The following TMED3 variants were observed in gnomAD, a reference collection of about 807,000 sequenced individuals.
The protein encoded by TMED3 is transmembrane emp24 domain-containing protein 3.
In TMED3, 9 loss-of-function variants were observed where a neutral mutation model predicts 15.0. The ratio of observed to expected loss-of-function variants is 0.60; its 90% CI spans 0.36 to 1.04. The LOEUF is 1.04. Ranked by LOEUF, TMED3 falls within the 50% of genes least tolerant of loss-of-function variation. TMED3 has a pLI of 0.01. For synonymous variants in TMED3, 117 were observed against 121.4 expected (o/e 0.96, Z 0.24); for missense variants, 267 against 278.9 (o/e 0.96, Z 0.30).
intron 2 of TMED3, among the ~76,000 whole-genome samples, chr15:79,380,086 T>C (rs912026801): frequency 6.6e-6 from 1 of 152,192 alleles, no homozygotes; most frequent in Non-Finnish European, 1.5e-5. Flanking sequence ...CCTTGGTATA[T>C]ATATGTCTAA....
At chr15:79,340,312 C>G (rs1316723936) in intron 2 of TMED3, among the ~76,000 whole-genome samples, 2 of 152,146 alleles carry the variant, frequency 1.3e-5, no homozygotes, top group African/African-American at 4.8e-5. Context: ...TGGGTCTCTG[C>G]AAGAGATCAG....
chr15:79,340,419 C>G (rs1264530903), intron 2 of TMED3, among the ~76,000 whole-genome samples: 2 of 152,180 alleles, frequency 1.3e-5, no homozygotes, highest in Non-Finnish European at 2.9e-5. Context: ...CCCCAGCCAG[C>G]ATCTATCTGG....
At chr15:79,375,741 C>T (rs1288828370) in intron 2 of TMED3, among the ~76,000 whole-genome samples, 1 of 152,188 alleles carries the variant, frequency 6.6e-6, no homozygotes, top group East Asian at 1.9e-4. Context: ...ACTCCATCCG[C>T]ATGAGCCAGT....
chr15:79,377,957 T>C (rs1893460698), intron 2 of TMED3, among the ~76,000 whole-genome samples: 1 of 152,232 alleles, frequency 6.6e-6, no homozygotes, highest in South Asian at 2.1e-4. Flanking sequence ...AACAAACTGT[T>C]CTATAATGTT....
intron 2 of TMED3, among the ~76,000 whole-genome samples, chr15:79,338,354 G>A (rs2058834822): frequency 6.6e-6 from 1 of 152,158 alleles, no homozygotes; most frequent in South Asian, 2.1e-4. Context: ...AGTATTTTCT[G>A]CATTAAACAT....
chr15:79,385,815 C>T (rs1157941567), intron 2 of TMED3, among the ~76,000 whole-genome samples: 2 of 152,210 alleles, frequency 1.3e-5, no homozygotes, highest in Non-Finnish European at 2.9e-5. Flanking sequence ...TTAGAAGGGG[C>T]AGAGCTCCCA....
intron 2 of TMED3, among the ~76,000 whole-genome samples, chr15:79,378,449 G>A (rs563339096): frequency 6.6e-6 from 1 of 152,262 alleles, no homozygotes; most frequent in South Asian, 2.1e-4. Context: ...CTCCATCCTT[G>A]AGCGCCTTGT....
chr15:79,327,649 C>A (rs886775947), downstream of TMED3, among the ~76,000 whole-genome samples: 1 of 152,182 alleles, frequency 6.6e-6, no homozygotes, highest in Non-Finnish European at 1.5e-5. Flanking sequence ...TCTACTCACA[C>A]GCACCCAAAA....
intron 2 of TMED3, among the ~76,000 whole-genome samples, chr15:79,339,705 ATGG>A (rs1277283199): frequency 3.3e-5 from 5 of 151,554 alleles, no homozygotes; most frequent in Admixed American, 2.0e-4. Context: ...GATGGTAGTA[ATGG>A]TGGTGGCAAT....
intron 2 of TMED3, among the ~76,000 whole-genome samples, chr15:79,395,110 A>G (rs1226560826): frequency 1.3e-5 from 2 of 151,886 alleles, no homozygotes; most frequent in East Asian, 3.9e-4. Context: ...GCCTGATAAT[A>G]TTTCCTGTTT....
At chr15:79,331,542 C>CAAAAAAAAAAAAAAAAAGGAAAAAAAAA in intron 2 of TMED3, among the ~76,000 whole-genome samples, 1 of 89,288 alleles carries the variant, frequency 1.1e-5, no homozygotes, top group Non-Finnish European at 2.1e-5. Flanking sequence ...GCAAAAGAAG[C>CAAAAAAAAAAAAAAAAAGGAAAAAAAAA]AAAAAAAAAA....
intron 2 of TMED3, among the ~76,000 whole-genome samples, chr15:79,366,086 G>A (rs933471057): frequency 6.6e-6 from 1 of 152,166 alleles, no homozygotes; most frequent in African/African-American, 2.4e-5. Context: ...GGTGAGATAA[G>A]CTATAGGTCT....
chr15:79,355,515 G>A (rs2058915475), intron 2 of TMED3, among the ~76,000 whole-genome samples: 1 of 152,192 alleles, frequency 6.6e-6, no homozygotes, highest in Non-Finnish European at 1.5e-5. Flanking sequence ...GCTATCAAAA[G>A]CAGGGCTCCA....
rs939391000 is a variant in TMED3 at position 79,383,514 on chromosome 15, G to A, written c.418-27886G>A. The A allele has an allele frequency of 1.1e-4, 18 of 157,938 alleles. No individual in the cohort carries two copies. The South Asian group carries it at 3.2e-3, about 28-fold the overall frequency. The allele number at this position is 157,938 out of a possible 1,614,324, so 9.8% of individuals were successfully genotyped here. ...AAAAGGTACAAAAGGTAAAGTCTAG[G>A]AGAGACCAGGAATGGAGCTTCCCAC... On this transcript the variant is annotated intron_variant, in intron 2 of 2. Transcript: ENST00000424155.
intron 2 of TMED3, among the ~76,000 whole-genome samples, chr15:79,380,542 T>A (rs1350283525): frequency 6.8e-6 from 1 of 147,184 alleles, no homozygotes; most frequent in African/African-American, 2.5e-5. Flanking sequence ...TATGTAGTTA[T>A]ATATATAGTT....
intron 2 of TMED3, among the ~76,000 whole-genome samples, chr15:79,342,219 C>T (rs1424333310): frequency 6.6e-6 from 1 of 152,130 alleles, no homozygotes; most frequent in Non-Finnish European, 1.5e-5. Flanking sequence ...AAATGATACT[C>T]ATCTATCAGA....
chr15:79,377,159 C>T (rs1893439710), intron 2 of TMED3, among the ~76,000 whole-genome samples: 1 of 152,124 alleles, frequency 6.6e-6, no homozygotes. Context: ...GAGCCATTTT[C>T]TTGCTCACGT....
intron 2 of TMED3, among the ~76,000 whole-genome samples, chr15:79,389,622 G>T (rs550196319): frequency 6.6e-6 from 1 of 152,214 alleles, no homozygotes; most frequent in East Asian, 1.9e-4. Flanking sequence ...CTCTAATTCT[G>T]TGAAGAATGA....
downstream of TMED3, among the ~76,000 whole-genome samples, chr15:79,324,613 G>T (rs910005057): frequency 6.6e-6 from 1 of 152,152 alleles, no homozygotes; most frequent in African/African-American, 2.4e-5. Flanking sequence ...TATCTCCCTT[G>T]TAACTATTTA....
Sources: allele counts gnomAD v4.1 joint callset (sites outside exome capture counted in the v4.1 genomes callset), GRCh38; gene constraint gnomAD v4.1.1; transcripts MANE v1.5; gene names NCBI Gene and HGNC (gene_info 2026-07-23, HGNC 2026-07-21).